The following SEPHS1 variants were observed in gnomAD, a reference collection of about 807,000 sequenced individuals.
SEPHS1 encodes the protein selenophosphate synthetase 1.
SEPHS1 carries 7 observed loss-of-function variants against 39.2 expected under a neutral mutation model. That is an observed-to-expected ratio of 0.18 (90% CI 0.10 to 0.34). The LOEUF (loss-of-function observed/expected upper bound fraction) is 0.34. Ranked by LOEUF, SEPHS1 falls within the 10% of genes least tolerant of loss-of-function variation. SEPHS1 has a pLI of 1.00. For synonymous variants in SEPHS1, 190 were observed against 195.5 expected (o/e 0.97, Z 0.23); for missense variants, 253 against 514.5 (o/e 0.49, Z 4.92).
chr10:13,339,818 G>A (rs1426346261), intron 2 of SEPHS1, among the ~76,000 whole-genome samples: 1 of 152,140 alleles, frequency 6.6e-6, no homozygotes, highest in Non-Finnish European at 1.5e-5. Context: ...GTACTGTTTA[G>A]GGAATAATGA....
intron 1 of SEPHS1, among the ~76,000 whole-genome samples, chr10:13,346,206 CG>C (rs1302467754): frequency 1.3e-5 from 2 of 152,224 alleles, no homozygotes; most frequent in Non-Finnish European, 2.9e-5. Context: ...AGCACTCCTA[CG>C]TTTTTTAGCC....
chr10:13,347,752 G>GCCCT (rs1475055743), intron 1 of SEPHS1, among the ~76,000 whole-genome samples: 4 of 52,040 alleles, frequency 7.7e-5, no homozygotes, highest in East Asian at 5.1e-4. Flanking sequence ...GCTCCTCCCC[G>GCCCT]CCCTCCCTCC....
At chr10:13,331,741 G>A (rs577914588) in intron 5 of SEPHS1, among the ~76,000 whole-genome samples, 4 of 152,310 alleles carry the variant, frequency 2.6e-5, no homozygotes, top group Non-Finnish European at 4.4e-5. Flanking sequence ...TTGGTTAGGA[G>A]AGAAACTTCT....
At chr10:13,334,872 C>T (rs1833580868) in intron 4 of SEPHS1, among the ~76,000 whole-genome samples, 2 of 152,348 alleles carry the variant, frequency 1.3e-5, no homozygotes, top group South Asian at 4.1e-4. Flanking sequence ...CTGCTGGAAG[C>T]CAGCTGTCCA....
At chr10:13,340,599 C>T (rs1364092598) in intron 2 of SEPHS1, 2 of 152,196 alleles carry the variant, frequency 1.3e-5, no homozygotes, top group East Asian at 1.9e-4. Context: ...TCCATTTAAA[C>T]TGGAGGACTA....
At chr10:13,342,629 C>A (rs1833825075) in intron 2 of SEPHS1, among the ~76,000 whole-genome samples, 1 of 152,200 alleles carries the variant, frequency 6.6e-6, no homozygotes, top group African/African-American at 2.4e-5. Flanking sequence ...ACATATATAC[C>A]ATATATACTT....
rs10752297 is a variant in SEPHS1 at position 13,333,906 on chromosome 10, T to C, written c.471A>G (p.Thr157=). Residue 157 remains threonine (T), a synonymous_variant, in exon 5 of 9, where the codon ACA becomes ACG. Transcript: ENST00000327347. ...GFKDAAEEAG[T]SVTGGQTVLN... is the part of the protein sequence containing the mutation. ...GTACTGTTTGGCCGCCTGTTACAGA[T>C]GTTCCTGCTTCCTCAGCTGCGTCTT... is the stretch of plus-strand genomic sequence containing the variant. 977,407 of 1,612,738 alleles carry C rather than the reference T, an allele frequency of 0.61. 298,423 individuals are homozygous for C. Among genetic ancestry groups the C allele is most frequent in the East Asian group, 0.76 (33,996 of 44,832 alleles).
intron 4 of SEPHS1, 143 bp from the exon 5 acceptor site, chr10:13,334,114 G>C: frequency 4.1e-6 from 3 of 729,016 alleles, no homozygotes; most frequent in Non-Finnish European, 6.6e-6. Context: ...AAGGTTGTTA[G>C]GGGCCAGGCA....
At chr10:13,338,286 G>A (rs1157801781) in intron 3 of SEPHS1, among the ~76,000 whole-genome samples, 1 of 152,186 alleles carries the variant, frequency 6.6e-6, no homozygotes, top group Admixed American at 6.5e-5. Context: ...TCTCTTGAAG[G>A]AAACATTTAG....
At chr10:13,338,570 G>C in intron 3 of SEPHS1, 135 bp downstream of exon 3, 6 of 658,820 alleles carry the variant, frequency 9.1e-6, no homozygotes, top group Non-Finnish European at 1.6e-5. Context: ...AGGAGTCTGG[G>C]CAGGGTGGGG....
intron 3 of SEPHS1, 145 bp from the exon 4 acceptor site, chr10:13,336,495 T>C (rs1383823461): frequency 1.5e-6 from 1 of 678,910 alleles, no homozygotes; most frequent in Admixed American, 2.2e-5. Flanking sequence ...GTTTCTATGA[T>C]TTGCAGACTG....
chr10:13,346,492 G>GT (rs1199423166), intron 1 of SEPHS1, among the ~76,000 whole-genome samples: 2 of 152,202 alleles, frequency 1.3e-5, no homozygotes, highest in Non-Finnish European at 2.9e-5. Flanking sequence ...GGTGGGAAAC[G>GT]TAACAACTGA....
intron 1 of SEPHS1, chr10:13,347,473 C>G (rs954526443): frequency 1.5e-3 from 229 of 148,806 alleles, no homozygotes; most frequent in African/African-American, 5.2e-3. Flanking sequence ...GGGCCCCGGC[C>G]GGGCCATCCC....
At chr10:13,346,718 GAAAAAA>G (rs911406418) in intron 1 of SEPHS1, among the ~76,000 whole-genome samples, 1 of 145,998 alleles carries the variant, frequency 6.8e-6, no homozygotes, top group South Asian at 2.2e-4. Flanking sequence ...CCCCTACCAG[GAAAAAA>G]AAAAGAAAAA....
Position 13,338,576 on chromosome 10 carries a change from T to C in SEPHS1, c.297+129A>G, listed in dbSNP as rs1175922684. On this transcript the variant is annotated intron_variant, in intron 3 of 8. Transcript: ENST00000327347. ...AGCAACTGCAGGAGTCTGGGCAGGG[T>C]GGGGCAGTATAGTCGGGATATAACA... 9 of 682,942 alleles carry C rather than the reference T, an allele frequency of 1.3e-5. No homozygotes were observed. In the East Asian group the frequency reaches 2.4e-4, roughly 18 times the overall value. The allele number at this position is 682,942 out of a possible 1,614,324, so 42.3% of individuals were successfully genotyped here. A position where few individuals can be genotyped will look rare whatever the true frequency, so the allele number is the denominator to read the frequency against.
Position 13,318,931 on chromosome 10 carries a change from G to T in SEPHS1, c.*211C>A. 1.8e-6 allele frequency: 1 copy of T among 556,132 alleles called. No homozygotes were observed. Among genetic ancestry groups the T allele is most frequent in the African/African-American group, 1.9e-5 (1 of 52,110 alleles). The allele number at this position is 556,132 out of a possible 1,614,324, so 34.4% of individuals were successfully genotyped here. ...TAACAATATAATTCTCAACTCAGAA[G>T]CTGCCTCAAGATTAGGTGCATCTTC... On this transcript the variant is annotated 3_prime_UTR_variant, in exon 9 of 9. Coordinates refer to ENST00000327347, the MANE Select transcript of SEPHS1 (RefSeq NM_012247.5).
intron 7 of SEPHS1, among the ~76,000 whole-genome samples, chr10:13,323,511 C>T (rs938081451): frequency 2.0e-5 from 3 of 152,056 alleles, no homozygotes; most frequent in Non-Finnish European, 4.4e-5. Context: ...CGCACCACCA[C>T]GCCCAGCTAA....
chr10:13,340,880 G>C (rs1390991369), intron 2 of SEPHS1: 3 of 152,102 alleles, frequency 2.0e-5, no homozygotes, highest in Admixed American at 1.3e-4. Flanking sequence ...CTAGACACAG[G>C]GGGTGGCTGC....
chr10:13,325,890 C>G (rs1443267932), intron 7 of SEPHS1, among the ~76,000 whole-genome samples: 1 of 59,118 alleles, frequency 1.7e-5, no homozygotes, highest in Non-Finnish European at 2.9e-5. Context: ...AGCGAGACTC[C>G]GTCTCAAAAA....
Sources: allele counts gnomAD v4.1 joint callset (sites outside exome capture counted in the v4.1 genomes callset), GRCh38; gene constraint gnomAD v4.1.1; transcripts MANE v1.5; gene names NCBI Gene and HGNC (gene_info 2026-07-23, HGNC 2026-07-21).